Variants in SLC24A3 observed in about 807,000 individuals in gnomAD.
SLC24A3 encodes the protein solute carrier family 24 member 3.
Under a neutral mutation model 75.8 loss-of-function variants are expected in SLC24A3, and 28 were observed. The observed-to-expected ratio is 0.37, with a 90% confidence interval of 0.27 to 0.51. SLC24A3 has a LOEUF of 0.51. Among genes scored for constraint, SLC24A3 ranks in the 20% least tolerant of loss-of-function variants. The pLI is 0.94. For synonymous variants in SLC24A3, 372 were observed against 334.1 expected (o/e 1.11, Z -1.24); for missense variants, 663 against 847.8 (o/e 0.78, Z 2.71).
chr20:19,713,848 G>A (rs2033015103), intron 15 of SLC24A3, among the ~76,000 whole-genome samples: 1 of 152,148 alleles, frequency 6.6e-6, no homozygotes, highest in Admixed American at 6.5e-5. Flanking sequence ...GAGGCTTAGA[G>A]AAGTTCAGTT....
intron 6 of SLC24A3, among the ~76,000 whole-genome samples, chr20:19,618,536 A>G (rs1455227631): frequency 6.6e-6 from 1 of 152,202 alleles, no homozygotes; most frequent in Non-Finnish European, 1.5e-5. Flanking sequence ...CTAGCTCCAA[A>G]TACAGCTGCC....
At chr20:19,684,533 T>TTTATATA (rs2032651536) in intron 11 of SLC24A3, among the ~76,000 whole-genome samples, 197 bp downstream of exon 11, 1 of 152,226 alleles carries the variant, frequency 6.6e-6, no homozygotes, top group Non-Finnish European at 1.5e-5. Flanking sequence ...TGTTGAGACA[T>TTTATATA]GGACTAATTT....
intron 2 of SLC24A3, among the ~76,000 whole-genome samples, chr20:19,287,256 G>A (rs1283274177): frequency 1.3e-5 from 2 of 152,220 alleles, no homozygotes; most frequent in Non-Finnish European, 2.9e-5. Context: ...CAAGGTTGCT[G>A]TGCTTCTTTG....
At chr20:19,646,823 TTTAAAAA>T (rs1317252424) in intron 6 of SLC24A3, among the ~76,000 whole-genome samples, 1 of 144,774 alleles carries the variant, frequency 6.9e-6, no homozygotes, top group Non-Finnish European at 1.5e-5. Context: ...CGGGTTGTAC[TTTAAAAA>T]TTACAAAACT....
At chr20:19,654,034 G>T (rs908976533) in intron 6 of SLC24A3, 28 bp from the exon 7 acceptor site, 1 of 1,587,512 alleles carries the variant, frequency 6.3e-7, no homozygotes, top group Non-Finnish European at 8.6e-7. Flanking sequence ...TCTATATCCT[G>T]TTTGACTTTG....
intron 3 of SLC24A3, among the ~76,000 whole-genome samples, chr20:19,578,738 A>T (rs1342054298): frequency 6.6e-6 from 1 of 152,150 alleles, no homozygotes; most frequent in African/African-American, 2.4e-5. Context: ...CACACCTATT[A>T]GATGCTTTGA....
chr20:19,362,468 A>C (rs1985807157), intron 2 of SLC24A3, among the ~76,000 whole-genome samples: 1 of 152,246 alleles, frequency 6.6e-6, no homozygotes, highest in African/African-American at 2.4e-5. Context: ...GGCTTCTTAT[A>C]GGAAATAAAT....
chr20:19,693,314 A>T lies in SLC24A3; in HGVS notation c.1380A>T (p.Leu460Phe). Residue 460 changes from leucine (L) to phenylalanine (F), a missense_variant, in exon 13 of 17, where the codon TTA (leucine) becomes TTT (phenylalanine). Physicochemically the swap from Leu to Phe is conservative, Grantham distance 22 (BLOSUM62 0). Transcript: ENST00000328041. ...WAFTWPLSFV[L>F]YFTVPNCNKP... ...TCACCTGGCCGCTGAGTTTCGTCTT[A>T]TACTTCACTGTACCCAACTGCAACA... 1 of 1,614,016 alleles carries T rather than the reference A, an allele frequency of 6.2e-7. No individual in the cohort carries two copies. Among genetic ancestry groups the T allele is most frequent in the Non-Finnish European group, 8.5e-7 (1 of 1,180,010 alleles).
chr20:19,593,479 T>G (rs1277877030), intron 6 of SLC24A3, among the ~76,000 whole-genome samples: 1 of 152,230 alleles, frequency 6.6e-6, no homozygotes, highest in Non-Finnish European at 1.5e-5. Flanking sequence ...GTACTTACCT[T>G]GTGGCAGGCA....
chr20:19,332,871 T>C (rs1204574558), intron 2 of SLC24A3, among the ~76,000 whole-genome samples: 2 of 152,172 alleles, frequency 1.3e-5, no homozygotes. Flanking sequence ...GCCACCCTCA[T>C]TGAGAATTTG....
At chr20:19,325,732 A>G (rs6081570) in intron 2 of SLC24A3, among the ~76,000 whole-genome samples, 5,335 of 75,682 alleles carry the variant, frequency 0.07, 413 homozygotes, top group African/African-American at 0.23. Flanking sequence ...ATATATATAT[A>G]TGTGTGTGTG....
At chr20:19,569,660 C>T (rs2031019026) in intron 3 of SLC24A3, among the ~76,000 whole-genome samples, 1 of 152,088 alleles carries the variant, frequency 6.6e-6, no homozygotes, top group African/African-American at 2.4e-5. Context: ...GTGAGAGGCC[C>T]AGACACTTCT....
intron 6 of SLC24A3, among the ~76,000 whole-genome samples, chr20:19,647,278 T>G (rs1413918729): frequency 6.6e-6 from 1 of 152,178 alleles, no homozygotes; most frequent in Non-Finnish European, 1.5e-5. Context: ...CCCACTCTCC[T>G]AACAATTATC....
intron 13 of SLC24A3, 50 bp from the exon 14 acceptor site, chr20:19,696,747 G>A (rs376937596): frequency 9.2e-6 from 12 of 1,307,354 alleles, no homozygotes; most frequent in Non-Finnish European, 1.3e-5. Flanking sequence ...TCATGGGCAG[G>A]TGGGGCTTGA....
chr20:19,273,342 C>A (rs112117810), intron 1 of SLC24A3, among the ~76,000 whole-genome samples: 259 of 152,338 alleles, frequency 1.7e-3, no homozygotes, highest in African/African-American at 6.0e-3. Context: ...TGGGGCCATT[C>A]TCCCAGGGTG....
At chr20:19,576,199 A>G (rs548002874) in intron 3 of SLC24A3, among the ~76,000 whole-genome samples, 120 of 152,288 alleles carry the variant, frequency 7.9e-4, no homozygotes, top group African/African-American at 2.7e-3. Flanking sequence ...TGTGATTATT[A>G]TTATTATTGT....
intron 1 of SLC24A3, among the ~76,000 whole-genome samples, chr20:19,223,737 T>C (rs1981793687): frequency 6.6e-6 from 1 of 152,200 alleles, no homozygotes; most frequent in Admixed American, 6.5e-5. Context: ...TGTGAGATGA[T>C]ACAGGGCCTA....
intron 2 of SLC24A3, among the ~76,000 whole-genome samples, chr20:19,333,350 C>T (rs1002222588): frequency 7.9e-5 from 12 of 152,130 alleles, no homozygotes; most frequent in African/African-American, 2.9e-4. Flanking sequence ...TCATTACAAC[C>T]AGGGTGCTCA....
chr20:19,546,182 A>AAAAAAAAAAAAC (rs1283634511), intron 3 of SLC24A3, among the ~76,000 whole-genome samples: 3 of 140,226 alleles, frequency 2.1e-5, no homozygotes, highest in Non-Finnish European at 3.2e-5. Flanking sequence ...AAAAAAAAAA[A>AAAAAAAAAAAAC]AAAAAACCAG....
Sources: gnomAD v4.1 joint callset for allele counts (sites outside exome capture counted in the v4.1 genomes callset) on GRCh38, gnomAD v4.1.1 for gene constraint, MANE v1.5 for transcripts, NCBI Gene and HGNC (gene_info 2026-07-23, HGNC 2026-07-21) for gene names.